The following DCDC1 variants were observed in gnomAD, a reference collection of about 807,000 sequenced individuals.
DCDC1 encodes the protein doublecortin domain containing 1.
A neutral mutation model predicts 178.3 loss-of-function variants in DCDC1; 200 were observed. The ratio of observed to expected loss-of-function variants is 1.12; its 90% confidence interval spans 1.00 to 1.26. DCDC1 has a LOEUF of 1.26. Among genes scored for constraint, DCDC1 ranks in the 50% most tolerant of loss-of-function variants. DCDC1 has a pLI of 0.00. For synonymous variants in DCDC1, 690 were observed against 604.8 expected (o/e 1.14, Z -2.07); for missense variants, 1,983 against 1,749.2 (o/e 1.13, Z -2.38).
Position 30,864,203 on chromosome 11 carries a change from A to G in DCDC1, c.*1170T>C, listed in dbSNP as rs889771614. The G allele has an allele frequency of 3.9e-5, 6 of 152,220 alleles. No individual in the cohort carries two copies. Among genetic ancestry groups the G allele is most frequent in the African/African-American group, 1.4e-4 (6 of 41,464 alleles). 9.4% of individuals were successfully genotyped at this position (152,220 alleles called of 1,614,324 possible). ...GATTCTTAAAGAGCTATATAAACCA[A>G]ATCAACTTGAGAACTGCTTCATGAT... On this transcript the variant is annotated 3_prime_UTR_variant, in exon 39 of 39. Transcript: ENST00000684477.
chr11:31,177,785 CAATAT>C (rs1968261817), intron 9 of DCDC1, among the ~76,000 whole-genome samples: 1 of 151,890 alleles, frequency 6.6e-6, no homozygotes, highest in Non-Finnish European at 1.5e-5. Flanking sequence ...AAGAAGATTA[CAATAT>C]AATAATAAAG....
intron 38 of DCDC1, among the ~76,000 whole-genome samples, chr11:30,870,721 C>T (rs143285986): frequency 0.014 from 2,151 of 152,256 alleles, 32 homozygotes; most frequent in Middle Eastern, 0.024. Flanking sequence ...GGTATTCATC[C>T]TGATATTGTA....
At chr11:30,886,293 T>TA (rs975367060) in intron 36 of DCDC1, among the ~76,000 whole-genome samples, 5 of 152,140 alleles carry the variant, frequency 3.3e-5, no homozygotes, top group Admixed American at 2.0e-4. Flanking sequence ...ATTAAGATAA[T>TA]AAAAAAATTC....
At chr11:31,219,499 C>T (rs1297773663) in intron 9 of DCDC1, among the ~76,000 whole-genome samples, 1 of 151,980 alleles carries the variant, frequency 6.6e-6, no homozygotes, top group East Asian at 1.9e-4. Context: ...TACTGTAAGA[C>T]AGAAAATGTT....
chr11:31,021,949 A>G (rs1203948671), intron 20 of DCDC1, among the ~76,000 whole-genome samples: 5 of 152,028 alleles, frequency 3.3e-5, no homozygotes, highest in African/African-American at 1.2e-4. Flanking sequence ...CACTTTATCT[A>G]CCTCAATTTA....
chr11:31,221,764 A>T (rs939283052), intron 9 of DCDC1, among the ~76,000 whole-genome samples: 7 of 152,192 alleles, frequency 4.6e-5, no homozygotes, highest in Admixed American at 4.6e-4. Context: ...TGTTCTCTTT[A>T]GAACAAGCTT....
In DCDC1 at chr11:31,231,104, C is replaced by T. The variant is rs114260485; in HGVS notation, c.1221+10346G>A. On this transcript the variant is annotated intron_variant, in intron 9 of 38. Transcript: ENST00000684477. The stretch of plus-strand genomic sequence containing the variant: ...CCTCCCAAATAGCTGGTACCACAAG[C>T]ATGCATGCACCATCACATCTGGCTA... Among the ~76,000 whole-genome samples the T allele has an allele frequency of 6.9e-3, 1,048 of 152,036 alleles. 15 individuals carry two copies. Among genetic ancestry groups the T allele is most frequent in the African/African-American group, 0.024 (993 of 41,478 alleles).
At chr11:31,276,483 T>C (rs1273317393) in intron 7 of DCDC1, among the ~76,000 whole-genome samples, 2 of 152,158 alleles carry the variant, frequency 1.3e-5, no homozygotes, top group African/African-American at 2.4e-5. Context: ...AATTTTTTTT[T>C]TTGCTAACTG....
At position 31,088,931 on chromosome 11, in the gene DCDC1, C is replaced by T. The variant is rs193219728; in HGVS notation, c.2237+2462G>A. On this transcript the variant is annotated intron_variant, in intron 17 of 38. Coordinates refer to ENST00000684477, the MANE Select transcript of DCDC1 (RefSeq NM_001387274.1). ...CCCATGCTGGTCTCAAATTCCTGGGCTCAAGTGATCTGCCCACCTCAGTAT... is the reference window on the plus strand; with the variant it reads ...CCCATGCTGGTCTCAAATTCCTGGGTTCAAGTGATCTGCCCACCTCAGTAT... Among the ~76,000 whole-genome samples, 20 of 152,266 alleles carry T rather than the reference C, an allele frequency of 1.3e-4. No individual in the cohort carries two copies. In the East Asian group the frequency reaches 3.3e-3, roughly 25 times the overall value.
At chr11:30,951,124 A>G (rs1948394162) in intron 21 of DCDC1, among the ~76,000 whole-genome samples, 1 of 152,140 alleles carries the variant, frequency 6.6e-6, no homozygotes, top group Admixed American at 6.6e-5. Flanking sequence ...GCCAATCCAC[A>G]GATTCAAGAA....
Position 30,931,805 on chromosome 11 carries a change from G to A in DCDC1, c.2863C>T (p.Leu955Phe). Residue 955 changes from leucine (L) to phenylalanine (F), a missense_variant, in exon 22 of 39, where the codon CTT (leucine) becomes TTT (phenylalanine). Physicochemically the swap from Leu to Phe is conservative, Grantham distance 22 (BLOSUM62 0). Transcript: ENST00000684477. ...EKNKNRSVTI[L>F]GPDISPGRKT... is the part of the protein sequence containing the mutation. ...CGTCCAGGTGAGATATCTGGACCAA[G>A]GATAGTAACGGATCTGTTTTTATTC... The A allele has an allele frequency of 1.2e-6, 2 of 1,612,542 alleles. No individual in the cohort carries two copies. The highest frequency in any genetic ancestry group is 8.5e-7 in the Non-Finnish European group (1 of 1,179,050).
intron 38 of DCDC1, among the ~76,000 whole-genome samples, chr11:30,874,273 C>G (rs915573457): frequency 6.6e-6 from 1 of 152,146 alleles, no homozygotes; most frequent in South Asian, 2.1e-4. Flanking sequence ...ATTCCTTATA[C>G]CTTAGGCATA....
intron 8 of DCDC1, among the ~76,000 whole-genome samples, chr11:31,250,339 A>G (rs564060133): frequency 2.4e-4 from 35 of 145,026 alleles, no homozygotes; most frequent in Middle Eastern, 3.6e-3. Flanking sequence ...CTTGGCTCAC[A>G]ATTTCTTTCC....
intron 6 of DCDC1, among the ~76,000 whole-genome samples, chr11:31,294,209 T>C (rs1947434920): frequency 6.6e-6 from 1 of 151,850 alleles, no homozygotes; most frequent in Non-Finnish European, 1.5e-5. Flanking sequence ...GTTGTGAAAA[T>C]CTGGGGGAAA....
intron 9 of DCDC1, among the ~76,000 whole-genome samples, chr11:31,179,234 G>A (rs1968465673): frequency 6.6e-6 from 1 of 152,146 alleles, no homozygotes; most frequent in Non-Finnish European, 1.5e-5. Context: ...CCTACATACT[G>A]TTGGTGGGAT....
intron 9 of DCDC1, among the ~76,000 whole-genome samples, chr11:31,223,389 T>TG (rs1974515862): frequency 6.6e-6 from 1 of 152,176 alleles, no homozygotes; most frequent in African/African-American, 2.4e-5. Flanking sequence ...TCTTATAAAT[T>TG]GCTGGTGAAA....
At chr11:31,284,160 G>A (rs970701073) in intron 7 of DCDC1, among the ~76,000 whole-genome samples, 1 of 152,038 alleles carries the variant, frequency 6.6e-6, no homozygotes, top group African/African-American at 2.4e-5. Context: ...AGAATGGAAT[G>A]GCCAGTCTGA....
chr11:30,940,871 A>G (rs158627), intron 21 of DCDC1, among the ~76,000 whole-genome samples: 13,500 of 152,216 alleles, frequency 0.089, 685 homozygotes, highest in Middle Eastern at 0.17. Flanking sequence ...CCATTTTAAT[A>G]TAAGCATTTA....
At chr11:31,058,106 T>C (rs1344232886) in intron 20 of DCDC1, among the ~76,000 whole-genome samples, 1 of 152,050 alleles carries the variant, frequency 6.6e-6, no homozygotes, top group Non-Finnish European at 1.5e-5. Context: ...TAAAAAAGGA[T>C]AGAATATATA....
Sources: gnomAD v4.1 joint callset for allele counts (sites outside exome capture counted in the v4.1 genomes callset) on GRCh38, gnomAD v4.1.1 for gene constraint, MANE v1.5 for transcripts, NCBI Gene and HGNC (gene_info 2026-07-23, HGNC 2026-07-21) for gene names.